SEMA3D: variants seen among roughly 807,000 people sequenced by gnomAD.
SEMA3D encodes semaphorin-3D.
In SEMA3D, 84 loss-of-function variants were observed where a neutral mutation model predicts 100.1. That is an observed-to-expected ratio of 0.84 (90% CI 0.70 to 1.01). SEMA3D has a LOEUF of 1.01. Ranked by LOEUF, SEMA3D falls within the 50% of genes least tolerant of loss-of-function variation. The pLI is 0.00. For synonymous variants in SEMA3D, 312 were observed against 320.7 expected, an observed-to-expected ratio of 0.97 and a Z score of 0.29; for missense variants, 875 against 934.1, an observed-to-expected ratio of 0.94 and a Z score of 0.82.
intron 18 of SEMA3D, among the ~76,000 whole-genome samples, chr7:85,006,069 C>G (rs142149766): frequency 6.6e-6 from 1 of 152,048 alleles, no homozygotes; most frequent in Non-Finnish European, 1.5e-5. Context: ...AGTACCCTTT[C>G]CTGATCCACA....
intron 17 of SEMA3D, among the ~76,000 whole-genome samples, chr7:85,010,666 T>C (rs551475366): frequency 3.0e-4 from 46 of 151,828 alleles, no homozygotes; most frequent in Admixed American, 7.2e-4. Flanking sequence ...TTTATTAATA[T>C]AGGAAAGTCT....
chr7:85,023,643 A>G (rs749996859), intron 12 of SEMA3D, among the ~76,000 whole-genome samples: 1 of 151,866 alleles, frequency 6.6e-6, no homozygotes, highest in Non-Finnish European at 1.5e-5. Context: ...GAACTGAACC[A>G]TTTAAACTTG....
intron 3 of SEMA3D, among the ~76,000 whole-genome samples, chr7:85,113,070 C>T (rs1318876492): frequency 6.6e-6 from 1 of 152,128 alleles, no homozygotes; most frequent in Non-Finnish European, 1.5e-5. Flanking sequence ...CCAACACATT[C>T]AAAGTCCTTA....
At chr7:85,210,922 T>C in the SEMA3D span, among the ~76,000 whole-genome samples, 63,241 of 151,902 alleles carry the variant, frequency 0.42, 13,886 homozygotes, top group East Asian at 0.69. Flanking sequence ...TGTATTAATG[T>C]ATCAAATATA....
At chr7:85,114,874 T>C (rs1371102286) in intron 3 of SEMA3D, among the ~76,000 whole-genome samples, 1 of 152,156 alleles carries the variant, frequency 6.6e-6, no homozygotes, top group Non-Finnish European at 1.5e-5. Flanking sequence ...TAATACAAGC[T>C]ATTATTTTCA....
intron 3 of SEMA3D, among the ~76,000 whole-genome samples, chr7:85,117,658 AG>A (rs1392931490): frequency 6.6e-6 from 1 of 151,974 alleles, no homozygotes; most frequent in Non-Finnish European, 1.5e-5. Flanking sequence ...TTGTAGTCCC[AG>A]CTACTCAGGA....
chr7:85,002,113 T>C (rs1789670971), intron 18 of SEMA3D, among the ~76,000 whole-genome samples: 1 of 152,116 alleles, frequency 6.6e-6, no homozygotes, highest in Non-Finnish European at 1.5e-5. Context: ...TTGTTGTACT[T>C]TGAGGTCTGG....
At chr7:85,039,381 C>A (rs1790791828) in intron 11 of SEMA3D, among the ~76,000 whole-genome samples, 1 of 152,086 alleles carries the variant, frequency 6.6e-6, no homozygotes, top group Non-Finnish European at 1.5e-5. Flanking sequence ...CCTCGGCCTC[C>A]TGAGTAGCTA....
At chr7:85,071,018 G>A (rs1194934698) in intron 6 of SEMA3D, among the ~76,000 whole-genome samples, 2 of 152,068 alleles carry the variant, frequency 1.3e-5, no homozygotes, top group Non-Finnish European at 2.9e-5. Flanking sequence ...GAGCTCTGGT[G>A]ATCTGCCCAC....
At chr7:85,198,595 T>C in the SEMA3D span, among the ~76,000 whole-genome samples, 1 of 152,030 alleles carries the variant, frequency 6.6e-6, no homozygotes, top group African/African-American at 2.4e-5. Context: ...TTTGTTTAGG[T>C]TCATCATTTT....
intron 4 of SEMA3D, among the ~76,000 whole-genome samples, chr7:85,086,887 T>C (rs1437454681): frequency 1.3e-5 from 2 of 152,136 alleles, no homozygotes; most frequent in East Asian, 3.9e-4. Flanking sequence ...TGAGATTGCG[T>C]CACTATTAGA....
At chr7:85,218,199 A>G in the SEMA3D span, among the ~76,000 whole-genome samples, 2 of 152,074 alleles carry the variant, frequency 1.3e-5, no homozygotes, top group African/African-American at 4.8e-5. Flanking sequence ...AATTGGATAA[A>G]AAAGGCAGGA....
intron 9 of SEMA3D, among the ~76,000 whole-genome samples, chr7:85,053,834 A>G (rs1285933941): frequency 1.3e-5 from 2 of 151,994 alleles, no homozygotes; most frequent in Admixed American, 6.6e-5. Context: ...TTCATCCATC[A>G]TATATTCTTT....
the SEMA3D span, among the ~76,000 whole-genome samples, chr7:85,192,362 T>G: frequency 2.0e-5 from 3 of 151,938 alleles, no homozygotes; most frequent in Non-Finnish European, 4.4e-5. Flanking sequence ...ATAACTATTA[T>G]TATTTTTAGT....
chr7:85,021,423 T>A (rs1265097673), intron 13 of SEMA3D, among the ~76,000 whole-genome samples: 2 of 151,840 alleles, frequency 1.3e-5, no homozygotes, highest in Non-Finnish European at 2.9e-5. Context: ...CAGCCATCTC[T>A]TTTGTCTTGG....
intron 2 of SEMA3D, chr7:85,140,916 G>A (rs1480407562): frequency 6.6e-6 from 4 of 605,236 alleles, no homozygotes; most frequent in East Asian, 1.4e-4. Flanking sequence ...CTCAGTTAGA[G>A]ATGATCACTG....
At chr7:85,142,962 C>A in intron 2 of SEMA3D, 1 of 985,088 alleles carries the variant, frequency 1.0e-6, no homozygotes, top group Non-Finnish European at 1.2e-6. Context: ...AAAAGTAATG[C>A]CAAGAGCAAT....
the SEMA3D span, among the ~76,000 whole-genome samples, chr7:85,239,738 G>T: frequency 2.0e-5 from 3 of 152,264 alleles, no homozygotes; most frequent in Non-Finnish European, 4.4e-5. Flanking sequence ...AGTTGTAGTC[G>T]ATAGCTACTA....
At chr7:85,008,218 G>T (rs1789854267) in intron 17 of SEMA3D, among the ~76,000 whole-genome samples, 1 of 151,796 alleles carries the variant, frequency 6.6e-6, no homozygotes, top group Admixed American at 6.6e-5. Flanking sequence ...AGGGGACGAT[G>T]TAGGTTGATT....
Sources: gnomAD v4.1 joint callset for allele counts (sites outside exome capture counted in the v4.1 genomes callset) on GRCh38, gnomAD v4.1.1 for gene constraint, MANE v1.5 for transcripts, NCBI Gene and HGNC (gene_info 2026-07-23, HGNC 2026-07-21) for gene names.